Variants in SORCS3 observed in about 807,000 individuals in gnomAD.
The protein encoded by SORCS3 is sortilin related VPS10 domain containing receptor 3.
In SORCS3, 57 loss-of-function variants were observed where a neutral mutation model predicts 146.3. The observed-to-expected ratio is 0.39, with a 90% confidence interval of 0.31 to 0.49. The LOEUF is 0.49. Ranked by LOEUF, SORCS3 falls within the 20% of genes least tolerant of loss-of-function variation. SORCS3 has a pLI of 0.92. For missense variants in SORCS3, 1,341 were observed against 1,575.5 expected (o/e 0.85, Z 2.52); for synonymous variants, 653 against 618.5 (o/e 1.06, Z -0.83).
At chr10:104,677,404 A>G (rs1285191415) in intron 1 of SORCS3, among the ~76,000 whole-genome samples, 1 of 152,256 alleles carries the variant, frequency 6.6e-6, no homozygotes, top group Non-Finnish European at 1.5e-5. Context: ...ACAACCTTAA[A>G]AAAGGACTGA....
intron 1 of SORCS3, among the ~76,000 whole-genome samples, chr10:104,740,983 A>G (rs2016834266): frequency 6.6e-6 from 1 of 151,804 alleles, no homozygotes; most frequent in South Asian, 2.1e-4. Flanking sequence ...TATTTTGGAG[A>G]CAGGGTCTCC....
intron 5 of SORCS3, among the ~76,000 whole-genome samples, chr10:105,059,580 G>A (rs942226586): frequency 6.6e-6 from 1 of 152,146 alleles, no homozygotes; most frequent in Admixed American, 6.5e-5. Context: ...GTAGGTAGGG[G>A]TTGTTCCAAT....
intron 1 of SORCS3, among the ~76,000 whole-genome samples, chr10:104,734,871 T>C (rs1000122687): frequency 4.6e-5 from 7 of 152,218 alleles, no homozygotes; most frequent in African/African-American, 1.7e-4. Flanking sequence ...AGAGATAAAA[T>C]TAACACTGAC....
chr10:105,194,113 C>T (rs888553261), intron 14 of SORCS3, among the ~76,000 whole-genome samples: 6 of 151,998 alleles, frequency 3.9e-5, no homozygotes, highest in Middle Eastern at 3.2e-3. Context: ...GGAGCAACTT[C>T]CTCAGGAAAC....
chr10:104,784,670 C>G (rs1479207812), intron 1 of SORCS3, among the ~76,000 whole-genome samples: 1 of 152,218 alleles, frequency 6.6e-6, no homozygotes, highest in African/African-American at 2.4e-5. Flanking sequence ...AAGGCCCCTT[C>G]TCAGTGCAGA....
At chr10:104,936,000 A>G (rs1387828194) in intron 3 of SORCS3, among the ~76,000 whole-genome samples, 1 of 152,166 alleles carries the variant, frequency 6.6e-6, no homozygotes, top group African/African-American at 2.4e-5. Context: ...TGTCCTAGAA[A>G]GTCCCTTGGG....
At chr10:104,648,965 G>C (rs2015527991) in intron 1 of SORCS3, among the ~76,000 whole-genome samples, 1 of 152,106 alleles carries the variant, frequency 6.6e-6, no homozygotes, top group African/African-American at 2.4e-5. Context: ...TGTGCCCTTG[G>C]CTAAGTAGGG....
rs557251345 is a variant in SORCS3, at chr10:104,994,535, A to G, written c.954+17042A>G. On this transcript the variant is annotated intron_variant, in intron 4 of 26. Coordinates refer to ENST00000369701, the MANE Select transcript of SORCS3 (RefSeq NM_014978.3). ...AATACACCCATGCAGTCATCACTAC[A>G]GTCAAGAATCTGAGCAAATCCGTCA... Among the ~76,000 whole-genome samples the G allele has an allele frequency of 6.2e-4, 95 of 152,286 alleles. 1 individual carries two copies. In the Middle Eastern group the frequency reaches 0.01, roughly 16 times the overall value.
At chr10:105,089,928 G>A in intron 6 of SORCS3, 89 bp downstream of exon 6, 2 of 1,034,184 alleles carry the variant, frequency 1.9e-6, no homozygotes, top group Non-Finnish European at 3.0e-6. Context: ...ATCTTGGGAA[G>A]ATGAAAAGCT....
intron 1 of SORCS3, among the ~76,000 whole-genome samples, chr10:104,704,780 A>G (rs1482298802): frequency 1.3e-5 from 2 of 152,178 alleles, no homozygotes; most frequent in Non-Finnish European, 2.9e-5. Flanking sequence ...TTGCCATCTT[A>G]TGTTCAGTGT....
intron 5 of SORCS3, among the ~76,000 whole-genome samples, chr10:105,049,338 T>A (rs2055395663): frequency 6.6e-6 from 1 of 152,054 alleles, no homozygotes; most frequent in Non-Finnish European, 1.5e-5. Flanking sequence ...TCTAAAGCTA[T>A]TCTGTCAGTG....
intron 19 of SORCS3, among the ~76,000 whole-genome samples, chr10:105,220,780 G>A (rs980960804): frequency 2.6e-5 from 4 of 151,978 alleles, no homozygotes; most frequent in African/African-American, 9.7e-5. Context: ...ACTATAAAGG[G>A]ACATAGATTA....
intron 7 of SORCS3, among the ~76,000 whole-genome samples, chr10:105,114,882 T>G (rs10884090): frequency 6.6e-6 from 1 of 151,894 alleles, no homozygotes; most frequent in Non-Finnish European, 1.5e-5. Context: ...CAGTACTACA[T>G]TGAAGTCAAT....
chr10:105,163,451 C>A (rs1005413640), intron 11 of SORCS3, among the ~76,000 whole-genome samples: 7 of 152,182 alleles, frequency 4.6e-5, no homozygotes, highest in African/African-American at 1.4e-4. Context: ...ATGATCCAAT[C>A]ATTTGTTTTC....
chr10:105,257,502 A>G (rs563249733), intron 25 of SORCS3, among the ~76,000 whole-genome samples: 5 of 152,340 alleles, frequency 3.3e-5, no homozygotes, highest in African/African-American at 9.6e-5. Flanking sequence ...TGAAAGCCAC[A>G]GAAGGGGTGG....
chr10:104,983,471 A>C (rs1056912353), intron 4 of SORCS3, among the ~76,000 whole-genome samples: 1 of 152,192 alleles, frequency 6.6e-6, no homozygotes, highest in African/African-American at 2.4e-5. Flanking sequence ...GGCAGGCAAC[A>C]GTACCTTTCC....
At position 105,265,151 on chromosome 10, in the gene SORCS3, T is replaced by C. The variant is rs2056984433; in HGVS notation, c.*1777T>C. 1.3e-5 allele frequency: 2 copies of C among 152,630 alleles called. No individual in the cohort carries two copies. Among genetic ancestry groups the C allele is most frequent in the South Asian group, 4.1e-4 (2 of 4,828 alleles). The allele number at this position is 152,630 out of a possible 1,614,324, so 9.5% of individuals were successfully genotyped here. Reference sequence around the variant, plus strand: ...GTATATGTACATATACTGTTCTTGGTTTTATTGTTCCACTTGAATATTTCT... The same window carrying C: ...GTATATGTACATATACTGTTCTTGGCTTTATTGTTCCACTTGAATATTTCT... On this transcript the variant is annotated 3_prime_UTR_variant, in exon 27 of 27. Coordinates refer to ENST00000369701, the MANE Select transcript of SORCS3 (RefSeq NM_014978.3).
intron 9 of SORCS3, among the ~76,000 whole-genome samples, chr10:105,148,055 T>A (rs528763502): frequency 6.6e-6 from 1 of 152,260 alleles, no homozygotes; most frequent in South Asian, 2.1e-4. Flanking sequence ...AAGTTAGTAT[T>A]CTTGTATGTA....
chr10:104,896,258 C>A (rs1186869413), intron 2 of SORCS3, among the ~76,000 whole-genome samples: 1 of 152,170 alleles, frequency 6.6e-6, no homozygotes, highest in African/African-American at 2.4e-5. Context: ...CACAGACTTC[C>A]TCACTGGTCT....
Sources: gnomAD v4.1 joint callset for allele counts (sites outside exome capture counted in the v4.1 genomes callset) on GRCh38, gnomAD v4.1.1 for gene constraint, MANE v1.5 for transcripts, NCBI Gene and HGNC (gene_info 2026-07-23, HGNC 2026-07-21) for gene names.